The following BECN1 variants were observed in gnomAD, a reference collection of about 807,000 sequenced individuals.
The protein encoded by BECN1 is beclin 1.
BECN1 carries 15 observed loss-of-function variants against 60.1 expected under a neutral mutation model. The observed-to-expected ratio is 0.25, with a 90% CI of 0.17 to 0.38. The LOEUF is 0.38. Ranked by LOEUF, BECN1 falls within the 10% of genes least tolerant of loss-of-function variation. BECN1 has a pLI of 1.00. For synonymous variants in BECN1, 179 were observed against 201.8 expected (o/e 0.89, Z 0.96); for missense variants, 424 against 548.2 (o/e 0.77, Z 2.26).
chr17:42,816,215 C>A (rs532650266), intron 7 of BECN1, among the ~76,000 whole-genome samples, 161 bp from the exon 8 acceptor site: 17 of 152,350 alleles, frequency 1.1e-4, no homozygotes, highest in Admixed American at 9.8e-4. Context: ...TATGTCCTAG[C>A]TGTTTTGCCT....
intron 2 of BECN1, among the ~76,000 whole-genome samples, chr17:42,822,423 G>T (rs889468997): frequency 5.9e-5 from 9 of 152,188 alleles, no homozygotes; most frequent in Non-Finnish European, 1.0e-4. Flanking sequence ...GCAAAAAGTT[G>T]TTCAGCTAGT....
intron 3 of BECN1, 21 bp downstream of exon 3, chr17:42,820,751 AGG>A (rs1250357710): frequency 1.3e-6 from 2 of 1,552,276 alleles, no homozygotes; most frequent in South Asian, 1.2e-5. Context: ...TGAGGAGGAT[AGG>A]GGAGAGGGCA....
In BECN1 at chr17:42,818,303, C is replaced by T. The variant is rs780754769; in HGVS notation, c.601G>A (p.Val201Met). ...EERLIQELEDVEKNRKIVAEN... is the reference protein window; with the variant it reads ...EERLIQELEDMEKNRKIVAEN... The stretch of plus-strand genomic sequence containing the variant: ...GCCACTATCTTGCGGTTCTTTTCCA[C>T]GTCTTCCAGCTCCTGGATCAGCCTC... The change falls in exon 7 of 12, where the codon GTG becomes ATG. Residue 201 changes from valine (V) to methionine (M), a missense_variant. This residue lies in a region of BECN1 where 326 missense variants were observed against 406.2 expected (regional missense o/e 0.80). Coordinates refer to ENST00000590099, the MANE Select transcript of BECN1 (RefSeq NM_001313998.2). 97 of 1,614,110 alleles carry T rather than the reference C, an allele frequency of 6.0e-5. No individual in the cohort carries two copies. Among genetic ancestry groups the T allele is most frequent in the Middle Eastern group, 1.6e-4 (1 of 6,084 alleles).
At chr17:42,824,045 C>A in intron 1 of BECN1, 110 bp downstream of exon 1, 11 of 888,814 alleles carry the variant, frequency 1.2e-5, no homozygotes, top group Non-Finnish European at 1.8e-5. Context: ...CCGGGACAGC[C>A]TGAGCAAAGG....
chr17:42,817,944 G>C (rs375463597), intron 7 of BECN1, among the ~76,000 whole-genome samples: 1 of 152,112 alleles, frequency 6.6e-6, no homozygotes, highest in Non-Finnish European at 1.5e-5. Flanking sequence ...TCATCCAAAT[G>C]AGCCCATTCC....
In BECN1 at chr17:42,819,569, C is replaced by T. The variant is rs759611322; in HGVS notation, c.239G>A (p.Arg80His). ...GCACCTGGCTGGGGGGATGAATCTG[C>T]GAGAGACACCATCCTGGCGAGGAGT... ...IETPRQDGVS[R>H]RFIPPARMMS... Residue 80 changes from arginine (R) to histidine (H), a missense_variant, in exon 4 of 12, where the codon CGC (arginine) becomes CAC (histidine). Physicochemically the swap from Arg to His is conservative, Grantham distance 29. This residue lies in a region of BECN1 where 96 missense variants were observed against 125.6 expected (regional missense o/e 0.76). Coordinates refer to ENST00000590099, the MANE Select transcript of BECN1 (RefSeq NM_001313998.2). 20 of 1,613,048 alleles carry T rather than the reference C, an allele frequency of 1.2e-5. No homozygotes were observed. Among genetic ancestry groups the T allele is most frequent in the African/African-American group, 6.7e-5 (5 of 74,784 alleles).
In BECN1 at chr17:42,823,820, G is replaced by C; in HGVS notation, c.58C>G (p.Arg20Gly). ...STMQVSFVCQ[R>G]CSQPLKLDTS... ...TCCAGTTTCAGGGGCTGGCTGCAGCGCTGGCACACGAAGCTCACCTGCATG... is the reference window on the plus strand; with the variant it reads ...TCCAGTTTCAGGGGCTGGCTGCAGCCCTGGCACACGAAGCTCACCTGCATG... Residue 20 changes from arginine (R) to glycine (G), a missense_variant, in exon 2 of 12, where the codon CGC becomes GGC. Physicochemically the swap from Arg to Gly is moderately radical, Grantham distance 125 (BLOSUM62 -2). This residue lies in a region of BECN1 where 96 missense variants were observed against 125.6 expected (regional missense o/e 0.76). Transcript: ENST00000590099. 1 of 1,614,084 alleles carries C rather than the reference G, an allele frequency of 6.2e-7. No homozygotes were observed. Among genetic ancestry groups the C allele is most frequent in the Non-Finnish European group, 8.5e-7 (1 of 1,179,996 alleles).
intron 7 of BECN1, 129 bp downstream of exon 7, chr17:42,818,092 G>T: frequency 1.0e-6 from 1 of 960,658 alleles, no homozygotes; most frequent in Non-Finnish European, 1.5e-6. Flanking sequence ...GCAATATGCA[G>T]GATCTGGGGC....
rs1185851494 is a variant in BECN1, at chr17:42,818,428, C to T, written c.489-13G>A. 2.7e-5 allele frequency: 43 copies of T among 1,613,806 alleles called. No individual in the cohort carries two copies. The highest frequency in any genetic ancestry group is 3.6e-5 in the Non-Finnish European group (42 of 1,179,866). Reference sequence around the variant, plus strand: ...CTCCAAACAGCGTCTGCCAAAGACACAGGCAGACTATACTTACTAGAGCTC... The same window carrying T: ...CTCCAAACAGCGTCTGCCAAAGACATAGGCAGACTATACTTACTAGAGCTC... On this transcript the variant is annotated splice_polypyrimidine_tract_variant and intron_variant, in intron 6 of 11. Transcript: ENST00000590099.
At chr17:42,824,059 T>G in intron 1 of BECN1, 96 bp downstream of exon 1, 1 of 739,748 alleles carries the variant, frequency 1.4e-6, no homozygotes, top group Non-Finnish European at 2.1e-6. Flanking sequence ...GCAAAGGCAG[T>G]TTAGAGCCCA....
At chr17:42,821,605 T>C (rs2055265342) in intron 2 of BECN1, among the ~76,000 whole-genome samples, 1 of 152,122 alleles carries the variant, frequency 6.6e-6, no homozygotes, top group Non-Finnish European at 1.5e-5. Flanking sequence ...GGAGGGAACA[T>C]AAGGAAACTT....
intron 4 of BECN1, chr17:42,819,125 T>G: frequency 1.9e-6 from 1 of 540,130 alleles, no homozygotes; most frequent in Non-Finnish European, 3.3e-6. Context: ...CATAAAAAAT[T>G]CATATGTCTA....
chr17:42,815,789 C>T (rs2055132651), intron 8 of BECN1, 119 bp downstream of exon 8: 1 of 1,331,402 alleles, frequency 7.5e-7, no homozygotes, highest in Non-Finnish European at 1.1e-6. Context: ...ATGAAAGAAA[C>T]CTAGTTGGGT....
Position 42,818,434 on chromosome 17 carries a change from G to C in BECN1, c.489-19C>G, listed in dbSNP as rs1485370102. On this transcript the variant is annotated intron_variant, in intron 6 of 11. Transcript: ENST00000590099. ...ACAGCGTCTGCCAAAGACACAGGCAGACTATACTTACTAGAGCTCCATTTG... is the reference window on the plus strand; with the variant it reads ...ACAGCGTCTGCCAAAGACACAGGCACACTATACTTACTAGAGCTCCATTTG... 6.2e-7 allele frequency: 1 copy of C among 1,613,606 alleles called. No homozygotes were observed.
At chr17:42,815,785 G>C in intron 8 of BECN1, 123 bp downstream of exon 8, 1 of 1,302,318 alleles carries the variant, frequency 7.7e-7, no homozygotes, top group Non-Finnish European at 1.1e-6. Flanking sequence ...ATGAATGAAA[G>C]AAACCTAGTT....
chr17:42,814,453 A>G, intron 9 of BECN1, 71 bp downstream of exon 9: 2 of 1,585,304 alleles, frequency 1.3e-6, no homozygotes, highest in South Asian at 2.3e-5. Flanking sequence ...CATGGTGGAC[A>G]GCAGTACCAG....
In BECN1 at chr17:42,810,363, T is replaced by C. The variant is rs1024610964; in HGVS notation, c.*397A>G. ...TATCCAACTGTGCATCTCAAACATA[T>C]CCTCATCTCAGTAAAGACAAAAGTT... is the stretch of plus-strand genomic sequence containing the variant. On this transcript the variant is annotated 3_prime_UTR_variant, in exon 12 of 12. Coordinates refer to ENST00000590099, the MANE Select transcript of BECN1 (RefSeq NM_001313998.2). The C allele has an allele frequency of 6.5e-6, 1 of 154,972 alleles. No homozygotes were observed. Among genetic ancestry groups the C allele is most frequent in the Non-Finnish European group, 1.4e-5 (1 of 69,688 alleles). 9.6% of individuals were successfully genotyped at this position (154,972 alleles called of 1,614,324 possible).
rs2055326717 is a variant in BECN1 at position 42,823,807 on chromosome 17, G to C, written c.71C>G (p.Pro24Arg). 1.2e-6 allele frequency: 2 copies of C among 1,613,968 alleles called. No homozygotes were observed. Among genetic ancestry groups the C allele is most frequent in the Non-Finnish European group, 8.5e-7 (1 of 1,180,008 alleles). ...CTTGAAACTCGTGTCCAGTTTCAGG[G>C]GCTGGCTGCAGCGCTGGCACACGAA... ...VSFVCQRCSQ[P>R]LKLDTSFKIL... is the part of the protein sequence containing the mutation. The change falls in exon 2 of 12, where the codon CCC becomes CGC. Residue 24 changes from proline (P) to arginine (R), a missense_variant. By Grantham distance (103) the Pro-to-Arg change is moderately radical. Transcript: ENST00000590099.
chr17:42,814,986 A>G (rs1274276904), intron 8 of BECN1: 1 of 356,638 alleles, frequency 2.8e-6, no homozygotes, highest in Non-Finnish European at 5.2e-6. Context: ...CAATGCTACT[A>G]TTCTTTTCCT....
Sources: allele counts gnomAD v4.1 joint callset (sites outside exome capture counted in the v4.1 genomes callset), GRCh38; gene constraint gnomAD v4.1.1; regional missense constraint gnomAD v4.1.1; transcripts MANE v1.5; gene names NCBI Gene and HGNC (gene_info 2026-07-23, HGNC 2026-07-21).